The following NDUFAF6 variants were observed in gnomAD, a reference collection of about 807,000 sequenced individuals.
NDUFAF6 encodes NADH dehydrogenase (ubiquinone) complex I, assembly factor 6.
NDUFAF6 carries 45 observed loss-of-function variants against 40.8 expected under a neutral mutation model. That is an observed-to-expected ratio of 1.10 (90% CI 0.87 to 1.42). The LOEUF is 1.42. Ranked by LOEUF, NDUFAF6 falls within the 40% of genes most tolerant of loss-of-function variation. The pLI, the probability that NDUFAF6 is intolerant of heterozygous loss-of-function variation, is 0.00. For missense variants in NDUFAF6, 435 were observed against 418.5 expected, an observed-to-expected ratio of 1.04 and a Z score of -0.34; for synonymous variants, 185 against 155.9, an observed-to-expected ratio of 1.19 and a Z score of -1.39.
chr8:94,999,818 G>A (rs1309576844), intron 2 of NDUFAF6, among the ~76,000 whole-genome samples: 3 of 152,178 alleles, frequency 2.0e-5, no homozygotes, highest in Non-Finnish European at 2.9e-5. Flanking sequence ...GGACTACATT[G>A]TGTCTACAGA....
chr8:95,071,314 C>T (rs1216684930), intron 9 of NDUFAF6, among the ~76,000 whole-genome samples: 1 of 146,690 alleles, frequency 6.8e-6, no homozygotes, highest in Non-Finnish European at 1.5e-5. Context: ...AGGAGAATGG[C>T]GTGAACCTGG....
chr8:94,906,909 A>G (rs534272674), intron 1 of NDUFAF6, among the ~76,000 whole-genome samples: 1 of 152,300 alleles, frequency 6.6e-6, no homozygotes, highest in Admixed American at 6.5e-5. Flanking sequence ...CTCCCACTAG[A>G]AGTTCTTAAT....
exon 3 of NDUFAF6, chr8:95,103,385 A>G (rs1383814817): frequency 6.6e-6 from 1 of 152,260 alleles, no homozygotes; most frequent in East Asian, 1.9e-4. Context: ...TCTCACCTGT[A>G]AAGTGGAAAT....
intron 2 of NDUFAF6, among the ~76,000 whole-genome samples, chr8:94,951,594 G>T (rs1185454741): frequency 2.0e-5 from 3 of 152,182 alleles, no homozygotes; most frequent in African/African-American, 7.2e-5. Context: ...ATTCCCAGTG[G>T]TGCACCAAGG....
chr8:94,909,401 C>CAGGT lies in NDUFAF6; in HGVS notation c.-936+13474_-936+13475insAGGT, dbSNP rs1366309915. Among the ~76,000 whole-genome samples the CAGGT allele has an allele frequency of 2.3e-3, 306 of 131,070 alleles. 2 individuals are homozygous for CAGGT. The highest frequency in any genetic ancestry group is 3.3e-3 in the Non-Finnish European group (210 of 64,166). 86.0% of individuals were successfully genotyped at this position (131,070 alleles called of 152,430 possible). A position where few individuals can be genotyped will look rare whatever the true frequency, so the allele number is the denominator to read the frequency against. ...AAAAAAACACTTCGGGAGGCCAAGGCGGATCACAAGGTCAGGAGTTCAAGA... is the reference window on the plus strand; with the variant it reads ...AAAAAAACACTTCGGGAGGCCAAGGCAGGTGGATCACAAGGTCAGGAGTTCAAGA... On this transcript the variant is annotated intron_variant, in intron 1 of 14. Coordinates refer to the NDUFAF6 transcript ENST00000396113.
intron 1 of NDUFAF6, among the ~76,000 whole-genome samples, chr8:94,918,697 C>T (rs1158097750): frequency 6.6e-6 from 1 of 152,150 alleles, no homozygotes; most frequent in Admixed American, 6.5e-5. Context: ...TGGAAATCTC[C>T]CATCCTTTGC....
chr8:95,040,381 C>T (rs1366993850), intron 3 of NDUFAF6, among the ~76,000 whole-genome samples: 1 of 152,188 alleles, frequency 6.6e-6, no homozygotes, highest in Non-Finnish European at 1.5e-5. Context: ...GGTTTTCCCA[C>T]TGTATAATTC....
At chr8:95,014,066 AT>A (rs1388823562) in intron 2 of NDUFAF6, among the ~76,000 whole-genome samples, 11 of 152,240 alleles carry the variant, frequency 7.2e-5, no homozygotes, top group Non-Finnish European at 1.5e-4. Context: ...CACAGCACAG[AT>A]TCTTCCTTGT....
In NDUFAF6 at chr8:95,025,093, C is replaced by G; in HGVS notation, c.85C>G (p.Leu29Val). The G allele has an allele frequency of 6.7e-7, 1 of 1,482,198 alleles. No homozygotes were observed. The highest frequency in any genetic ancestry group is 8.9e-7 in the Non-Finnish European group (1 of 1,127,090). 91.8% of individuals were successfully genotyped at this position (1,482,198 alleles called of 1,614,324 possible). Residue 29 changes from leucine to valine, a missense_variant, in exon 1 of 9, where the codon CTG becomes GTG. Leu to Val is a conservative substitution (Grantham distance 32, BLOSUM62 1). Transcript: ENST00000396124. Reference sequence around the variant, plus strand: ...GTGCTGCCGCCGGCCGCCTCTGGGTCTGTACGCGCGCATGCGGCGGCTGCC... The same window carrying G: ...GTGCTGCCGCCGGCCGCCTCTGGGTGTGTACGCGCGCATGCGGCGGCTGCC... ...GLCCRRPPLG[L>V]YARMRRLPGP...
In NDUFAF6 at chr8:95,006,013, G is replaced by T. The variant is rs556620323; in HGVS notation, c.-84+25040G>T. 3.3e-5 allele frequency among the ~76,000 whole-genome samples: 5 copies of T among 152,140 alleles called. No homozygotes were observed. The East Asian group carries it at 9.6e-4, about 29-fold the overall frequency. ...CAGAATTAATTTTCCCTTCTAACTC[G>T]TGAGAGTTGGCTTTCCTGTTGTTTC... On this transcript the variant is annotated intron_variant, in intron 2 of 9. Transcript: ENST00000396111.
intron 1 of NDUFAF6, among the ~76,000 whole-genome samples, chr8:94,938,008 T>C (rs1308097986): frequency 1.3e-5 from 2 of 152,094 alleles, no homozygotes; most frequent in Non-Finnish European, 2.9e-5. Flanking sequence ...TGGGTATAAA[T>C]GAAGAGAAAG....
At chr8:95,063,595 TCAAAA>T (rs555858161), downstream of NDUFAF6, among the ~76,000 whole-genome samples, 14 of 152,318 alleles carry the variant, frequency 9.2e-5, no homozygotes, top group South Asian at 4.1e-4. Flanking sequence ...AGACTCTGTC[TCAAAA>T]CAAAACAAAA....
At chr8:95,065,154 A>G (rs1832671592) in intron 9 of NDUFAF6, among the ~76,000 whole-genome samples, 1 of 152,212 alleles carries the variant, frequency 6.6e-6, no homozygotes, top group Non-Finnish European at 1.5e-5. Context: ...GTATTAGCAA[A>G]TTAATTGAAC....
upstream of NDUFAF6, among the ~76,000 whole-genome samples, chr8:94,953,105 T>C (rs917052783): frequency 2.0e-5 from 3 of 152,160 alleles, no homozygotes; most frequent in Non-Finnish European, 4.4e-5. Flanking sequence ...CCCAGCACTT[T>C]GGGAGGCCGA....
At chr8:95,087,146 G>GAT in intron 2 of NDUFAF6, among the ~76,000 whole-genome samples, 1 of 152,020 alleles carries the variant, frequency 6.6e-6, no homozygotes, top group South Asian at 2.1e-4. Context: ...TAATGTGATG[G>GAT]ATACACACAC....
rs546741580 is a variant in NDUFAF6 at position 95,011,805 on chromosome 8, ATAAT to A, written c.-83-20183_-83-20180del. Among the ~76,000 whole-genome samples the A allele has an allele frequency of 6.6e-5, 10 of 152,184 alleles. No individual in the cohort carries two copies. In the South Asian group the frequency reaches 1.0e-3, roughly 16 times the overall value. On this transcript the variant is annotated intron_variant, in intron 2 of 9. Coordinates refer to the NDUFAF6 transcript ENST00000396111. ...AAGTGTTGATTGGGATGTTTAATTA[ATAAT>A]TAATTATGTACAAAGAAGAAATTTT...
intron 9 of NDUFAF6, among the ~76,000 whole-genome samples, chr8:95,074,844 A>G (rs1490393664): frequency 6.6e-6 from 1 of 151,998 alleles, no homozygotes; most frequent in Non-Finnish European, 1.5e-5. Context: ...CCCACCTGCC[A>G]CTGCCCATTG....
upstream of NDUFAF6, among the ~76,000 whole-genome samples, chr8:95,095,424 C>T (rs1349756999): frequency 1.3e-5 from 2 of 152,126 alleles, no homozygotes; most frequent in Non-Finnish European, 2.9e-5. Context: ...TGCCCAGTGG[C>T]CTCCTCTCAA....
chr8:94,948,471 G>A (rs571108003), intron 2 of NDUFAF6, among the ~76,000 whole-genome samples: 7 of 152,354 alleles, frequency 4.6e-5, no homozygotes, highest in Non-Finnish European at 1.0e-4. Context: ...TTCCACAGGT[G>A]CAAAGTCAGG....
Sources: allele counts gnomAD v4.1 joint callset (sites outside exome capture counted in the v4.1 genomes callset), GRCh38; gene constraint gnomAD v4.1.1; transcripts MANE v1.5; gene names NCBI Gene and HGNC (gene_info 2026-07-23, HGNC 2026-07-21).